SLC1A1: variants seen among roughly 807,000 people sequenced by gnomAD.
SLC1A1 encodes solute carrier family 1 member 1, also known as excitatory amino acid transporter 3.
Under a neutral mutation model 53.3 loss-of-function variants are expected in SLC1A1, and 43 were observed. The observed-to-expected ratio is 0.81, with a 90% CI of 0.63 to 1.04. The LOEUF is 1.04. SLC1A1 is among the 50% of genes least tolerant of loss of function. SLC1A1 has a pLI of 0.00. For missense variants in SLC1A1, 748 were observed against 664.9 expected (o/e 1.12, Z -1.37); for synonymous variants, 307 against 243.2 (o/e 1.26, Z -2.44).
chr9:4,568,364 G>A (rs369501267), intron 6 of SLC1A1, among the ~76,000 whole-genome samples: 1 of 151,310 alleles, frequency 6.6e-6, no homozygotes, highest in Non-Finnish European at 1.5e-5. Flanking sequence ...GCTGCAGTGA[G>A]CCATGATTGA....
intron 1 of SLC1A1, among the ~76,000 whole-genome samples, chr9:4,543,942 G>C (rs1480498679): frequency 1.3e-5 from 2 of 152,208 alleles, no homozygotes; most frequent in Non-Finnish European, 2.9e-5. Context: ...ACTTTCGGAA[G>C]TCGAGGTGGG....
chr9:4,498,990 A>G (rs560656191), intron 1 of SLC1A1, among the ~76,000 whole-genome samples: 4 of 141,788 alleles, frequency 2.8e-5, no homozygotes, highest in Non-Finnish European at 4.5e-5. Context: ...CTTATATATT[A>G]TATATAAGAT....
At chr9:4,575,920 T>A in intron 8 of SLC1A1, 81 bp from the exon 9 acceptor site, 1 of 1,528,466 alleles carries the variant, frequency 6.5e-7, no homozygotes, top group Middle Eastern at 1.7e-4. Flanking sequence ...TTTTATAAAT[T>A]AAAAAGATGT....
intron 1 of SLC1A1, among the ~76,000 whole-genome samples, chr9:4,498,466 G>T (rs1291665406): frequency 1.3e-5 from 2 of 151,980 alleles, no homozygotes; most frequent in Non-Finnish European, 2.9e-5. Context: ...TCTTCAAAAT[G>T]ACAGGAATAG....
intron 1 of SLC1A1, among the ~76,000 whole-genome samples, chr9:4,534,914 A>C (rs905526958): frequency 6.6e-6 from 1 of 152,226 alleles, no homozygotes; most frequent in African/African-American, 2.4e-5. Context: ...TATGCAAATC[A>C]ATAAACATAA....
chr9:4,568,318 T>A (rs1819680104), intron 6 of SLC1A1, among the ~76,000 whole-genome samples: 2 of 151,340 alleles, frequency 1.3e-5, no homozygotes, highest in African/African-American at 4.9e-5. Flanking sequence ...CTCGGGAGGC[T>A]GAAGTGGGAG....
intron 1 of SLC1A1, among the ~76,000 whole-genome samples, chr9:4,495,983 C>G (rs1820401720): frequency 6.6e-6 from 1 of 152,098 alleles, no homozygotes; most frequent in African/African-American, 2.4e-5. Flanking sequence ...CAGCAAACAC[C>G]TGGCTAAGTG....
chr9:4,502,135 C>G (rs1820651372), intron 1 of SLC1A1, among the ~76,000 whole-genome samples: 1 of 151,522 alleles, frequency 6.6e-6, no homozygotes, highest in African/African-American at 2.4e-5. Flanking sequence ...ATCTGTAATT[C>G]TAGCACTTTG....
intron 2 of SLC1A1, among the ~76,000 whole-genome samples, chr9:4,545,804 G>C (rs1255577320): frequency 6.6e-6 from 1 of 152,234 alleles, no homozygotes; most frequent in East Asian, 1.9e-4. Context: ...TCCTTAGGTA[G>C]ATAGAGATGA....
chr9:4,570,517 C>T (rs1182990789), intron 6 of SLC1A1, among the ~76,000 whole-genome samples: 8 of 151,688 alleles, frequency 5.3e-5, no homozygotes, highest in African/African-American at 4.8e-5. Context: ...ATTACAGGCA[C>T]GTGCCACAAT....
chr9:4,497,690 G>A (rs1455295486), intron 1 of SLC1A1, among the ~76,000 whole-genome samples: 6 of 152,076 alleles, frequency 3.9e-5, no homozygotes, highest in Non-Finnish European at 5.9e-5. Context: ...CAAGCATGTT[G>A]ATCTTTTCTT....
At chr9:4,569,595 AT>A (rs1179314834) in intron 6 of SLC1A1, among the ~76,000 whole-genome samples, 7 of 152,222 alleles carry the variant, frequency 4.6e-5, no homozygotes, top group African/African-American at 1.7e-4. Flanking sequence ...GGAAGGAATG[AT>A]TTAAGGAGAA....
At chr9:4,516,219 C>T (rs1315006960) in intron 1 of SLC1A1, among the ~76,000 whole-genome samples, 2 of 152,184 alleles carry the variant, frequency 1.3e-5, no homozygotes, top group Non-Finnish European at 2.9e-5. Flanking sequence ...CCAAGAGACA[C>T]CAGCATGAAC....
rs1211784286 is a variant in SLC1A1 at position 4,549,407 on chromosome 9, T to G, written c.232+4700T>G. Among the ~76,000 whole-genome samples, 2 of 152,116 alleles carry G rather than the reference T, an allele frequency of 1.3e-5. No homozygotes were observed. The highest frequency in any genetic ancestry group is 4.8e-5 in the African/African-American group (2 of 41,402). ...AGTGCAGCTGAGACCACACTTCTACTCAGGACATAATCTTTGCTAAAGGTA... is the reference window on the plus strand; with the variant it reads ...AGTGCAGCTGAGACCACACTTCTACGCAGGACATAATCTTTGCTAAAGGTA... On this transcript the variant is annotated intron_variant, in intron 2 of 11. Coordinates refer to ENST00000262352, the MANE Select transcript of SLC1A1 (RefSeq NM_004170.6). This position sits in a 1 kb window ranked among gnomAD's most constrained non-coding sequence, Gnocchi z 4.1.
At chr9:4,498,448 T>C (rs749828347) in intron 1 of SLC1A1, among the ~76,000 whole-genome samples, 27 of 152,224 alleles carry the variant, frequency 1.8e-4, no homozygotes, top group Non-Finnish European at 4.0e-4. Context: ...CTAAATAAAA[T>C]AATAGTTTCT....
At chr9:4,575,420 T>C (rs776541442) in intron 8 of SLC1A1, among the ~76,000 whole-genome samples, 34 of 152,178 alleles carry the variant, frequency 2.2e-4, no homozygotes, top group Non-Finnish European at 4.1e-4. Flanking sequence ...GAGCTGAGAC[T>C]TTTTTCCTTA....
intron 1 of SLC1A1, among the ~76,000 whole-genome samples, chr9:4,518,012 G>A (rs1038930236): frequency 6.6e-6 from 1 of 152,012 alleles, no homozygotes; most frequent in Non-Finnish European, 1.5e-5. Context: ...TGGATCACTT[G>A]AGGTCAGGAG....
intron 1 of SLC1A1, among the ~76,000 whole-genome samples, chr9:4,537,841 C>T (rs1311104523): frequency 6.6e-6 from 1 of 151,868 alleles, no homozygotes; most frequent in African/African-American, 2.4e-5. Context: ...TGGAACTAGA[C>T]ATTGGTGACA....
At chr9:4,510,570 C>A (rs954806315) in intron 1 of SLC1A1, among the ~76,000 whole-genome samples, 2 of 152,184 alleles carry the variant, frequency 1.3e-5, no homozygotes, top group South Asian at 2.1e-4. Context: ...GACCTGTTGT[C>A]TCCTTACATA....
Sources: allele counts gnomAD v4.1 joint callset (sites outside exome capture counted in the v4.1 genomes callset), GRCh38; gene constraint gnomAD v4.1.1; non-coding constraint Gnocchi (gnomAD v3.1); transcripts MANE v1.5; gene names NCBI Gene and HGNC (gene_info 2026-07-23, HGNC 2026-07-21).